The following RNLS variants were observed in gnomAD, a reference collection of about 807,000 sequenced individuals.
The protein encoded by RNLS is renalase, FAD dependent amine oxidase.
In RNLS, 39 loss-of-function variants were observed where a neutral mutation model predicts 39.8. The ratio of observed to expected loss-of-function variants is 0.98; its 90% CI spans 0.76 to 1.28. RNLS has a LOEUF of 1.28. Among genes scored for constraint, RNLS ranks in the 50% most tolerant of loss-of-function variants. RNLS has a pLI of 0.00. For synonymous variants in RNLS, 147 were observed against 150.7 expected, an observed-to-expected ratio of 0.98 and a Z score of 0.18; for missense variants, 410 against 413.3, an observed-to-expected ratio of 0.99 and a Z score of 0.07.
chr10:88,478,026 A>G (rs1589861525), intron 4 of RNLS, among the ~76,000 whole-genome samples: 1 of 152,202 alleles, frequency 6.6e-6, no homozygotes, highest in African/African-American at 2.4e-5. Context: ...ATAGATTTTT[A>G]TCTGGTAACT....
intron 4 of RNLS, among the ~76,000 whole-genome samples, chr10:88,568,206 T>C (rs952757799): frequency 6.6e-6 from 1 of 152,054 alleles, no homozygotes; most frequent in Non-Finnish European, 1.5e-5. Context: ...TTGCTAAGGA[T>C]GAGGGCCTCC....
intron 4 of RNLS, among the ~76,000 whole-genome samples, chr10:88,547,524 T>A (rs564904838): frequency 2.6e-5 from 4 of 152,242 alleles, no homozygotes; most frequent in Non-Finnish European, 5.9e-5. Flanking sequence ...TTTGAAACTT[T>A]AGAGAAATTT....
chr10:88,506,403 A>G (rs1845795696), intron 4 of RNLS, among the ~76,000 whole-genome samples: 1 of 152,080 alleles, frequency 6.6e-6, no homozygotes, highest in South Asian at 2.1e-4. Context: ...CTTAGATGTA[A>G]TAATGTATTT....
the RNLS span, among the ~76,000 whole-genome samples, chr10:88,267,649 C>T: frequency 6.6e-6 from 1 of 152,170 alleles, no homozygotes; most frequent in Admixed American, 6.5e-5. Context: ...ACCACCAATA[C>T]ATACTTTAAG....
At chr10:88,339,921 G>A (rs889528434) in intron 5 of RNLS, among the ~76,000 whole-genome samples, 9 of 152,160 alleles carry the variant, frequency 5.9e-5, no homozygotes, top group Admixed American at 6.5e-5. Flanking sequence ...CAGATCCATG[G>A]TTTCCCTGAC....
chr10:88,430,178 G>C (rs149604409), intron 4 of RNLS, among the ~76,000 whole-genome samples: 3 of 151,858 alleles, frequency 2.0e-5, no homozygotes, highest in Admixed American at 2.0e-4. Context: ...ATGTCTTTCA[G>C]TAATGTTTTA....
intron 4 of RNLS, among the ~76,000 whole-genome samples, chr10:88,535,902 A>G (rs539782208): frequency 6.6e-6 from 1 of 152,246 alleles, no homozygotes; most frequent in East Asian, 1.9e-4. Context: ...AAGGCTATTA[A>G]AGAAATAAAG....
intron 5 of RNLS, among the ~76,000 whole-genome samples, chr10:88,350,351 C>A (rs792227): frequency 0.83 from 126,537 of 152,062 alleles, 52,779 homozygotes; most frequent in African/African-American, 0.88. Flanking sequence ...AATTTACATT[C>A]GGTATATCTC....
At chr10:88,326,766 A>T (rs756149332) in intron 5 of RNLS, among the ~76,000 whole-genome samples, 2 of 152,206 alleles carry the variant, frequency 1.3e-5, no homozygotes, top group Non-Finnish European at 2.9e-5. Context: ...TGCACCATGC[A>T]GCTGGAAAAG....
the RNLS span, among the ~76,000 whole-genome samples, chr10:88,221,794 A>G: frequency 6.6e-6 from 1 of 152,034 alleles, no homozygotes; most frequent in Non-Finnish European, 1.5e-5. Context: ...CCCATGTCAG[A>G]CATCACTAAT....
intron 4 of RNLS, 56 bp from the exon 5 acceptor site, chr10:88,362,781 C>T: frequency 2.0e-6 from 3 of 1,519,880 alleles, no homozygotes; most frequent in Non-Finnish European, 2.7e-6. Context: ...TTCCTTTTAG[C>T]ACATCAAATA....
At chr10:88,357,125 G>A (rs78430727) in intron 5 of RNLS, among the ~76,000 whole-genome samples, 4,259 of 152,222 alleles carry the variant, frequency 0.028, 212 homozygotes, top group African/African-American at 0.097. Context: ...ATAATAATAC[G>A]TACCATAAAT....
At chr10:88,343,397 G>C in intron 5 of RNLS, 1 of 357,444 alleles carries the variant, frequency 2.8e-6, no homozygotes, top group Non-Finnish European at 3.9e-6. Context: ...AAAAAAGCTA[G>C]GAGATTGGTG....
At chr10:88,243,439 C>T in the RNLS span, among the ~76,000 whole-genome samples, 1 of 152,230 alleles carries the variant, frequency 6.6e-6, no homozygotes, top group Non-Finnish European at 1.5e-5. Context: ...TTTGAGCATG[C>T]ATAGTCCAGT....
the RNLS span, among the ~76,000 whole-genome samples, chr10:88,172,322 C>T: frequency 4.6e-5 from 7 of 152,148 alleles, no homozygotes; most frequent in Admixed American, 6.5e-5. Flanking sequence ...TTCTCAGCAT[C>T]CTTGCAAGCA....
At chr10:88,433,804 T>C (rs1855280293) in intron 4 of RNLS, among the ~76,000 whole-genome samples, 1 of 152,172 alleles carries the variant, frequency 6.6e-6, no homozygotes, top group African/African-American at 2.4e-5. Context: ...GCCTTTATAC[T>C]CTTCCACTGA....
At chr10:88,492,465 C>T (rs1239296942) in intron 4 of RNLS, among the ~76,000 whole-genome samples, 1 of 142,970 alleles carries the variant, frequency 7.0e-6, no homozygotes, top group African/African-American at 2.6e-5. Flanking sequence ...GCCATCCAGG[C>T]TGGAGTGCAG....
intron 4 of RNLS, among the ~76,000 whole-genome samples, chr10:88,363,255 T>C (rs945997229): frequency 6.6e-5 from 10 of 151,872 alleles, no homozygotes; most frequent in Non-Finnish European, 5.9e-5. Context: ...GATGGGGGCA[T>C]TGGGGAGGGA....
At chr10:88,231,272 G>A in the RNLS span, among the ~76,000 whole-genome samples, 1 of 152,206 alleles carries the variant, frequency 6.6e-6, no homozygotes, top group African/African-American at 2.4e-5. Flanking sequence ...AAAAAGAGGA[G>A]ATTAGGATAC....
Sources: gnomAD v4.1 joint callset for allele counts (sites outside exome capture counted in the v4.1 genomes callset) on GRCh38, gnomAD v4.1.1 for gene constraint, MANE v1.5 for transcripts, NCBI Gene and HGNC (gene_info 2026-07-23, HGNC 2026-07-21) for gene names.